Variants in GNAQ observed in about 807,000 individuals in gnomAD.
GNAQ encodes the protein G protein subunit alpha q.
GNAQ carries 8 observed loss-of-function variants against 43.9 expected under a neutral mutation model. That is an observed-to-expected ratio of 0.18 (90% CI 0.11 to 0.33). GNAQ has a LOEUF of 0.33. GNAQ is among the 10% of genes least tolerant of loss of function. The pLI, the probability that GNAQ is intolerant of heterozygous loss-of-function variation, is 1.00. For synonymous variants in GNAQ, 155 were observed against 170.7 expected, an observed-to-expected ratio of 0.91 and a Z score of 0.71; for missense variants, 158 against 450.8, an observed-to-expected ratio of 0.35 and a Z score of 5.88.
intron 2 of GNAQ, among the ~76,000 whole-genome samples, chr9:77,822,031 T>A (rs1239352876): frequency 6.6e-6 from 1 of 152,086 alleles, no homozygotes; most frequent in African/African-American, 2.4e-5. Flanking sequence ...AGTAAGAGAA[T>A]GGGGAGAATA....
chr9:77,917,565 G>A (rs1828931038), intron 2 of GNAQ, among the ~76,000 whole-genome samples: 2 of 151,864 alleles, frequency 1.3e-5, no homozygotes, highest in African/African-American at 4.8e-5. Flanking sequence ...AAATAACAGG[G>A]ATAAAAATTC....
chr9:77,867,718 CAGG>C (rs1046239909), intron 2 of GNAQ, among the ~76,000 whole-genome samples: 11 of 152,268 alleles, frequency 7.2e-5, no homozygotes, highest in African/African-American at 2.6e-4. Context: ...TACATATGTG[CAGG>C]AGAACAATCC....
At chr9:77,773,695 T>C (rs566181651) in intron 5 of GNAQ, among the ~76,000 whole-genome samples, 44 of 152,356 alleles carry the variant, frequency 2.9e-4, no homozygotes, top group African/African-American at 1.1e-3. Flanking sequence ...ATTATATTCA[T>C]TGGCAATTCA....
intron 5 of GNAQ, among the ~76,000 whole-genome samples, chr9:77,789,738 T>C (rs182365420): frequency 1.7e-3 from 255 of 152,306 alleles, no homozygotes; most frequent in African/African-American, 5.9e-3. Context: ...AAAAAAGCTA[T>C]TGCATAGATT....
Position 77,716,650 on chromosome 9 carries a change from C to T in GNAQ, c.*4673G>A, listed in dbSNP as rs573559296. On this transcript the variant is annotated 3_prime_UTR_variant, in exon 7 of 7. Transcript: ENST00000286548. ...CCTGAACTTAAAAATGTTCTACCAA[C>T]GAATACCTTTCTGTTTTTTCTGTCT... is the stretch of plus-strand genomic sequence containing the variant. The T allele has an allele frequency of 4.7e-5, 11 of 232,740 alleles. No individual in the cohort carries two copies. Among genetic ancestry groups the T allele is most frequent in the African/African-American group, 6.6e-5 (3 of 45,294 alleles). The allele number at this position is 232,740 out of a possible 1,614,324, so 14.4% of individuals were successfully genotyped here.
intron 1 of GNAQ, among the ~76,000 whole-genome samples, chr9:78,007,703 T>C (rs372161191): frequency 9.2e-5 from 14 of 152,234 alleles, no homozygotes; most frequent in East Asian, 3.9e-4. Flanking sequence ...TCTCTTAGAC[T>C]AGCACTTTGA....
intron 1 of GNAQ, among the ~76,000 whole-genome samples, chr9:77,951,944 G>C (rs1370562732): frequency 6.6e-6 from 1 of 152,202 alleles, no homozygotes; most frequent in Non-Finnish European, 1.5e-5. Flanking sequence ...CCATTCCCAT[G>C]AATCTCAGGC....
intron 1 of GNAQ, among the ~76,000 whole-genome samples, chr9:77,982,094 T>C (rs555754750): frequency 6.6e-6 from 1 of 152,344 alleles, no homozygotes; most frequent in African/African-American, 2.4e-5. Flanking sequence ...CTACTGCTAA[T>C]TCTTAGCACA....
chr9:77,847,202 C>T (rs893202434), intron 2 of GNAQ, among the ~76,000 whole-genome samples: 3 of 152,204 alleles, frequency 2.0e-5, no homozygotes, highest in African/African-American at 7.2e-5. Context: ...CTCAGCCTTG[C>T]AAGGCAGTGG....
At chr9:77,756,269 C>G (rs1018703323) in intron 5 of GNAQ, among the ~76,000 whole-genome samples, 5 of 152,340 alleles carry the variant, frequency 3.3e-5, no homozygotes, top group Non-Finnish European at 7.3e-5. Flanking sequence ...TTCTGTCCCT[C>G]TAGAGAACCC....
At chr9:77,752,161 T>C (rs1423585504) in intron 5 of GNAQ, among the ~76,000 whole-genome samples, 1 of 152,246 alleles carries the variant, frequency 6.6e-6, no homozygotes, top group Non-Finnish European at 1.5e-5. Context: ...TGCAGTTGAA[T>C]TGTCAAACAG....
At chr9:77,751,721 C>T (rs1825814621) in intron 5 of GNAQ, among the ~76,000 whole-genome samples, 1 of 152,060 alleles carries the variant, frequency 6.6e-6, no homozygotes, top group African/African-American at 2.4e-5. Context: ...CTTCCACTTC[C>T]TGTAATTTCA....
chr9:77,899,884 T>C (rs1250460722), intron 2 of GNAQ, among the ~76,000 whole-genome samples: 1 of 152,202 alleles, frequency 6.6e-6, no homozygotes, highest in Admixed American at 6.5e-5. Flanking sequence ...AACAAAGACA[T>C]GATCCCTGCC....
At chr9:77,985,807 C>T (rs924152340) in intron 1 of GNAQ, among the ~76,000 whole-genome samples, 4 of 152,074 alleles carry the variant, frequency 2.6e-5, no homozygotes, top group Non-Finnish European at 5.9e-5. Context: ...AGGCTGGTCT[C>T]AAACTCCTGA....
At chr9:77,748,517 T>C (rs892471322) in intron 5 of GNAQ, among the ~76,000 whole-genome samples, 1 of 152,190 alleles carries the variant, frequency 6.6e-6, no homozygotes, top group African/African-American at 2.4e-5. Flanking sequence ...GGGGCATAAA[T>C]TGCCTCCCAT....
chr9:77,733,916 G>A (rs1013298308), intron 5 of GNAQ, among the ~76,000 whole-genome samples: 1 of 152,244 alleles, frequency 6.6e-6, no homozygotes, highest in Non-Finnish European at 1.5e-5. Context: ...AGGAGGAAAA[G>A]AGAGCAAACA....
intron 2 of GNAQ, among the ~76,000 whole-genome samples, chr9:77,916,641 A>C (rs1828911352): frequency 6.6e-6 from 1 of 152,162 alleles, no homozygotes; most frequent in African/African-American, 2.4e-5. Context: ...TGCTAGGCGA[A>C]AGGGAAACAC....
chr9:78,020,497 C>G (rs1447529234), intron 1 of GNAQ, among the ~76,000 whole-genome samples: 1 of 152,160 alleles, frequency 6.6e-6, no homozygotes, highest in Admixed American at 6.5e-5. Context: ...ACCAAGGCGT[C>G]TACACTTACT....
intron 2 of GNAQ, among the ~76,000 whole-genome samples, chr9:77,890,274 T>C (rs929148448): frequency 3.3e-5 from 5 of 152,202 alleles, no homozygotes; most frequent in Non-Finnish European, 7.3e-5. Context: ...ACTTGAGAGT[T>C]TGACTGAAAG....
Sources: gnomAD v4.1 joint callset for allele counts (sites outside exome capture counted in the v4.1 genomes callset) on GRCh38, gnomAD v4.1.1 for gene constraint, MANE v1.5 for transcripts, NCBI Gene and HGNC (gene_info 2026-07-23, HGNC 2026-07-21) for gene names.